The following CDIPT variants were observed in gnomAD, a reference collection of about 807,000 sequenced individuals.
The protein encoded by CDIPT is CDP-diacylglycerol--inositol 3-phosphatidyltransferase, also known as PI synthase.
A neutral mutation model predicts 21.6 loss-of-function variants in CDIPT; 17 were observed. The observed-to-expected ratio is 0.79, with a 90% CI of 0.54 to 1.18. The LOEUF (loss-of-function observed/expected upper bound fraction) is 1.18. Ranked by LOEUF, CDIPT falls within the 50% of genes most tolerant of loss-of-function variation. CDIPT has a pLI of 0.00. For missense variants in CDIPT, 254 were observed against 284.9 expected (o/e 0.89, Z 0.78); for synonymous variants, 119 against 117.9 (o/e 1.01, Z -0.06).
Position 29,863,055 on chromosome 16 carries a change from AG to A in CDIPT, c.-199del. On this transcript the variant is annotated 5_prime_UTR_variant, in exon 1 of 6. Transcript: ENST00000219789. ...ACCGGCCCCGAGGTGCGCGGGACGC[AG>A]GGGGCGCGCGCAGTCCGCCCTTCCT... 6 of 644,908 alleles carry A rather than the reference AG, an allele frequency of 9.3e-6. No homozygotes were observed. Among genetic ancestry groups the A allele is most frequent in the Admixed American group, 5.5e-5 (2 of 36,410 alleles). The allele number at this position is 644,908 out of a possible 1,614,324, so 39.9% of individuals were successfully genotyped here. A position where few individuals can be genotyped will look rare whatever the true frequency, so the allele number is the denominator to read the frequency against.
Position 29,859,541 on chromosome 16 carries a change from A to G in CDIPT, c.415-18T>C. 2.5e-6 allele frequency: 4 copies of G among 1,593,392 alleles called. No homozygotes were observed. Among genetic ancestry groups the G allele is most frequent in the East Asian group, 2.2e-5 (1 of 44,782 alleles). On this transcript the variant is annotated intron_variant, in intron 4 of 5. Transcript: ENST00000219789. This position sits in a 1 kb window ranked among gnomAD's most constrained non-coding sequence, Gnocchi z 4.5. ...AGAGCAGGCTGCACACACAGCAAAC[A>G]GGCCACGTTAGCAAGAGGCAGGCGT...
At position 29,858,923 on chromosome 16, in the gene CDIPT, C is replaced by CA; in HGVS notation, c.*265dup. On this transcript the variant is annotated 3_prime_UTR_variant, in exon 6 of 6. Coordinates refer to ENST00000219789, the MANE Select transcript of CDIPT (RefSeq NM_006319.5). ...ATCTCGGACCCCAGGACTGAGCAGG[C>CA]AGGGTGTGACACTGCCCGGTCCCGG... The CA allele has an allele frequency of 2.0e-6, 1 of 509,874 alleles. No homozygotes were observed. Among genetic ancestry groups the CA allele is most frequent in the South Asian group, 2.2e-5 (1 of 45,772 alleles). 31.6% of individuals were successfully genotyped at this position (509,874 alleles called of 1,614,324 possible).
rs1596940683 is a variant in CDIPT at position 29,859,647 on chromosome 16, G to T, written c.415-124C>A. 1 of 681,342 alleles carries T rather than the reference G, an allele frequency of 1.5e-6. No homozygotes were observed. Among genetic ancestry groups the T allele is most frequent in the East Asian group, 2.7e-5 (1 of 36,910 alleles). 42.2% of individuals were successfully genotyped at this position (681,342 alleles called of 1,614,324 possible). The stretch of plus-strand genomic sequence containing the variant: ...CTCTTATTTTTTTTTCTTTTTTACA[G>T]ACAGGGTCTCGCTCTCTCATCCAGG... On this transcript the variant is annotated intron_variant, in intron 4 of 5. Transcript: ENST00000219789. The surrounding 1 kb of genome is among the most constrained non-coding windows in gnomAD (Gnocchi z 4.5).
chr16:29,862,821 G>A lies in CDIPT; in HGVS notation c.37C>T (p.Leu13Phe). ...GGCCGTGGGCAGCACTCACCGATGAGGTTGGGCACGAACAGGAAGATATTT... is the reference window on the plus strand; with the variant it reads ...GGCCGTGGGCAGCACTCACCGATGAAGTTGGGCACGAACAGGAAGATATTT... ...DENIFLFVPN[L>F]IGYARIVFAI... Residue 13 changes from leucine (L) to phenylalanine (F), a missense_variant, in exon 1 of 6, where the codon CTC becomes TTC. By Grantham distance (22) the Leu-to-Phe change is conservative. Transcript: ENST00000219789. This position sits in a 1 kb window ranked among gnomAD's most constrained non-coding sequence, Gnocchi z 6.7. 6.2e-7 allele frequency: 1 copy of A among 1,614,074 alleles called. No individual in the cohort carries two copies.
At position 29,859,242 on chromosome 16, in the gene CDIPT, C is replaced by T; in HGVS notation, c.589G>A (p.Ala197Thr). Residue 197 changes from alanine (A) to threonine (T), a missense_variant, in exon 6 of 6, where the codon GCC becomes ACC. By Grantham distance (58) the Ala-to-Thr change is moderately conservative. Transcript: ENST00000219789. This position sits in a 1 kb window ranked among gnomAD's most constrained non-coding sequence, Gnocchi z 4.5. Reference protein sequence around the residue: ...SLISVIHLITAARNMAALDAA... With the variant: ...SLISVIHLITTARNMAALDAA... ...TCCAGGGCAGCCATGTTGCGGGCGG[C>T]CGTGATCAGGTGGATGACGCTGATG... 6.3e-7 allele frequency: 1 copy of T among 1,594,800 alleles called. No individual in the cohort carries two copies. The highest frequency in any genetic ancestry group is 8.5e-7 in the Non-Finnish European group (1 of 1,171,456).
At position 29,861,636 on chromosome 16, in the gene CDIPT, C is replaced by T. The variant is rs946852520; in HGVS notation, c.179-377G>A. ...CCAGAAGCCATCACCCTTCCCTCTC[C>T]ATCCTCCCTCTAAGCATGCCTTCTG... is the stretch of plus-strand genomic sequence containing the variant. On this transcript the variant is annotated intron_variant, in intron 2 of 5. Transcript: ENST00000219789. The T allele has an allele frequency of 1.1e-5, 8 of 755,044 alleles. No homozygotes were observed. The African/African-American group carries it at 1.1e-4, about 10-fold the overall frequency. The allele number at this position is 755,044 out of a possible 1,614,324, so 46.8% of individuals were successfully genotyped here.
At chr16:29,861,444 A>C (rs1165293721) in intron 2 of CDIPT, 185 bp from the exon 3 acceptor site, 1 of 1,538,454 alleles carries the variant, frequency 6.5e-7, no homozygotes, top group African/African-American at 1.4e-5. Context: ...CATGGCATGA[A>C]CTGAGAAAGG....
Position 29,862,828 on chromosome 16 carries a change from C to A in CDIPT, c.30G>T (p.Val10=). 1 of 1,614,040 alleles carries A rather than the reference C, an allele frequency of 6.2e-7. No individual in the cohort carries two copies. Among genetic ancestry groups the A allele is most frequent in the Non-Finnish European group, 8.5e-7 (1 of 1,179,998 alleles). The change falls in exon 1 of 6, where the codon GTG becomes GTT. Residue 10 remains valine (V), a synonymous_variant. Coordinates refer to ENST00000219789, the MANE Select transcript of CDIPT (RefSeq NM_006319.5). This position sits in a 1 kb window ranked among gnomAD's most constrained non-coding sequence, Gnocchi z 6.7. MPDENIFLF[V]PNLIGYARIV... ...GGCAGCACTCACCGATGAGGTTGGG[C>A]ACGAACAGGAAGATATTTTCGTCTG...
intron 3 of CDIPT, 156 bp from the exon 4 acceptor site, chr16:29,860,818 G>C: frequency 1.6e-6 from 1 of 639,452 alleles, no homozygotes. Flanking sequence ...GCAGAGTCAG[G>C]ATTCAAATGC....
chr16:29,861,458 G>A (rs1247790182), intron 2 of CDIPT, 199 bp from the exon 3 acceptor site: 20 of 1,537,208 alleles, frequency 1.3e-5, no homozygotes, highest in Middle Eastern at 3.3e-4. Context: ...AGAAAGGCAT[G>A]AGAGTGGAGG....
Position 29,859,106 on chromosome 16 carries a change from G to C in CDIPT, c.*83C>G, listed in dbSNP as rs2067657332. On this transcript the variant is annotated 3_prime_UTR_variant, in exon 6 of 6. Transcript: ENST00000219789. The surrounding 1 kb of genome is among the most constrained non-coding windows in gnomAD (Gnocchi z 4.5). ...ACACATGAGGAAGGCGTGAGACTGG[G>C]ACCTCCTAGCAGGGGGTGGGGAGCT... 2 of 1,414,446 alleles carry C rather than the reference G, an allele frequency of 1.4e-6. No individual in the cohort carries two copies. The highest frequency in any genetic ancestry group is 2.8e-5 in the African/African-American group (2 of 70,960). The allele number at this position is 1,414,446 out of a possible 1,614,324, so 87.6% of individuals were successfully genotyped here.
Position 29,863,041 on chromosome 16 carries a change from G to GGTGCGCGGGACGCAGGGGGC in CDIPT, c.-204_-185dup. The GGTGCGCGGGACGCAGGGGGC allele has an allele frequency of 1.4e-6, 1 of 709,412 alleles. No homozygotes were observed. Among genetic ancestry groups the GGTGCGCGGGACGCAGGGGGC allele is most frequent in the Non-Finnish European group, 2.4e-6 (1 of 412,970 alleles). 43.9% of individuals were successfully genotyped at this position (709,412 alleles called of 1,614,324 possible). ...CGTCGGGAGCATGGACCGGCCCCGA[G>GGTGCGCGGGACGCAGGGGGC]GTGCGCGGGACGCAGGGGGCGCGCG... On this transcript the variant is annotated 5_prime_UTR_variant, in exon 1 of 6. Coordinates refer to ENST00000219789, the MANE Select transcript of CDIPT (RefSeq NM_006319.5).
Position 29,862,878 on chromosome 16 carries a change from C to A in CDIPT, c.-21G>T, listed in dbSNP as rs945495010. ...GGCATCGCGGCGCCTCCCTTGCTGC[C>A]CCGGGCCTGCTCTGGAGATGCCAGT... is the stretch of plus-strand genomic sequence containing the variant. On this transcript the variant is annotated 5_prime_UTR_variant, in exon 1 of 6. Coordinates refer to ENST00000219789, the MANE Select transcript of CDIPT (RefSeq NM_006319.5). The surrounding 1 kb of genome is among the most constrained non-coding windows in gnomAD (Gnocchi z 6.7). The A allele has an allele frequency of 6.2e-6, 10 of 1,612,952 alleles. No homozygotes were observed. Among genetic ancestry groups the A allele is most frequent in the Admixed American group, 3.3e-5 (2 of 59,996 alleles).
At chr16:29,861,656 CT>C (rs2067683810) in intron 2 of CDIPT, 3 of 655,530 alleles carry the variant, frequency 4.6e-6, no homozygotes, top group Non-Finnish European at 7.8e-6. Flanking sequence ...CTAAGCATGC[CT>C]TCTGGAACCC....
At chr16:29,861,527 C>A (rs976704831) in intron 2 of CDIPT, 1 of 1,532,452 alleles carries the variant, frequency 6.5e-7, no homozygotes, top group Admixed American at 2.0e-5. Flanking sequence ...AGAACCAAGA[C>A]TCCAGGGCTA....
intron 2 of CDIPT, among the ~76,000 whole-genome samples, chr16:29,861,934 T>C (rs1273551327): frequency 6.6e-6 from 1 of 152,108 alleles, no homozygotes; most frequent in Non-Finnish European, 1.5e-5. Flanking sequence ...GGTTTCACCA[T>C]GTTGGCCAGG....
In CDIPT at chr16:29,862,630, A is replaced by G; in HGVS notation, c.134T>C (p.Leu45Pro). 1.2e-6 allele frequency: 2 copies of G among 1,607,288 alleles called. No homozygotes were observed. The highest frequency in any genetic ancestry group is 1.7e-6 in the Non-Finnish European group (2 of 1,176,796). Residue 45 changes from leucine to proline, a missense_variant, in exon 2 of 6, where the codon CTG (leucine) becomes CCG (proline). Leu to Pro is a moderately conservative substitution (Grantham distance 98, BLOSUM62 -3). Coordinates refer to ENST00000219789, the MANE Select transcript of CDIPT (RefSeq NM_006319.5). The surrounding 1 kb of genome is among the most constrained non-coding windows in gnomAD (Gnocchi z 6.7). Reference protein sequence around the residue: ...TASSFYLLSGLLDAFDGHAAR... With the variant: ...TASSFYLLSGPLDAFDGHAAR... ...AGCGTGTCCATCGAAAGCGTCCAGC[A>G]GGCCGCTGAGCAGGTAGAAGGAGGA...
chr16:29,863,207 G>A lies in CDIPT; in HGVS notation c.-350C>T, dbSNP rs573561364. On this transcript the variant is annotated 5_prime_UTR_variant, in exon 1 of 6. Coordinates refer to ENST00000219789, the MANE Select transcript of CDIPT (RefSeq NM_006319.5). ...CTCCGCGCCCGTCGTTGCAAAATTG[G>A]AGAGAGGAAAAAGTGGCTTAAAAAA... 6.0e-5 allele frequency: 22 copies of A among 368,452 alleles called. No homozygotes were observed. In the East Asian group the frequency reaches 1.4e-3, roughly 24 times the overall value. The allele number at this position is 368,452 out of a possible 1,614,324, so 22.8% of individuals were successfully genotyped here.
Position 29,862,664 on chromosome 16 carries a change from G to C in CDIPT, c.100C>G (p.Leu34Val). The C allele has an allele frequency of 2.5e-6, 4 of 1,613,682 alleles. No individual in the cohort carries two copies. The highest frequency in any genetic ancestry group is 3.4e-6 in the Non-Finnish European group (4 of 1,179,794). Reference protein sequence around the residue: ...ISFYFMPCCPLTASSFYLLSG... With the variant: ...ISFYFMPCCPVTASSFYLLSG... ...AGCAGGTAGAAGGAGGAGGCCGTGA[G>C]GGGGCAGCAGGGCATGAAGTAGAAA... The change falls in exon 2 of 6, where the codon CTC becomes GTC. Residue 34 changes from leucine (L) to valine (V), a missense_variant. Coordinates refer to ENST00000219789, the MANE Select transcript of CDIPT (RefSeq NM_006319.5). The surrounding 1 kb of genome is among the most constrained non-coding windows in gnomAD (Gnocchi z 6.7).
Sources: gnomAD v4.1 joint callset for allele counts (sites outside exome capture counted in the v4.1 genomes callset) on GRCh38, gnomAD v4.1.1 for gene constraint, Gnocchi (gnomAD v3.1) non-coding constraint, MANE v1.5 for transcripts, NCBI Gene and HGNC (gene_info 2026-07-23, HGNC 2026-07-21) for gene names.